The following RAPGEF4 variants were observed in gnomAD, a reference collection of about 807,000 sequenced individuals.
RAPGEF4 encodes the protein Rap guanine nucleotide exchange factor 4.
A neutral mutation model predicts 147.9 loss-of-function variants in RAPGEF4; 66 were observed. The observed-to-expected ratio is 0.45, with a 90% CI of 0.37 to 0.55. The LOEUF (loss-of-function observed/expected upper bound fraction) is 0.55, where lower values mean the gene tolerates loss of function less well. Among genes scored for constraint, RAPGEF4 ranks in the 20% least tolerant of loss-of-function variants. The pLI, the probability that RAPGEF4 is intolerant of heterozygous loss-of-function variation, is 0.00. For synonymous variants in RAPGEF4, 419 were observed against 442.7 expected, an observed-to-expected ratio of 0.95 and a Z score of 0.67; for missense variants, 1,071 against 1,257.3, an observed-to-expected ratio of 0.85 and a Z score of 2.24.
rs1689128138 is a variant in RAPGEF4 at position 172,822,056 on chromosome 2, T to A, written c.444+7631T>A. On this transcript the variant is annotated intron_variant, in intron 4 of 30. Coordinates refer to ENST00000397081, the MANE Select transcript of RAPGEF4 (RefSeq NM_007023.4). ...ACATGTTACTGTTTGCATTTTGGAA[T>A]TATGCTCAAAAACATCTCTGGCTTT... 1.5e-5 allele frequency: 23 copies of A among 1,543,220 alleles called. No homozygotes were observed. In the South Asian group the frequency reaches 2.6e-4, roughly 18 times the overall value.
At chr2:172,740,927 C>T (rs370792397) in intron 1 of RAPGEF4, among the ~76,000 whole-genome samples, 5 of 152,224 alleles carry the variant, frequency 3.3e-5, no homozygotes, top group African/African-American at 9.7e-5. Flanking sequence ...TGGACACTCA[C>T]GTCCTTTGGC....
chr2:172,768,805 A>G (rs1417848176), intron 1 of RAPGEF4, among the ~76,000 whole-genome samples: 1 of 152,260 alleles, frequency 6.6e-6, no homozygotes, highest in East Asian at 1.9e-4. Context: ...AGACTGCTGC[A>G]TATTGTTGTG....
At position 172,931,176 on chromosome 2, in the gene RAPGEF4, G is replaced by GGGA. The variant is rs1553533425; in HGVS notation, c.537+8878_537+8879insAGG. Among the ~76,000 whole-genome samples, 2 of 109,056 alleles carry GGGA rather than the reference G, an allele frequency of 1.8e-5. 1 individual carries two copies. The highest frequency in any genetic ancestry group is 6.4e-5 in the African/African-American group (2 of 31,330). The allele number at this position is 109,056 out of a possible 152,430, so 71.5% of individuals were successfully genotyped here. A position where few individuals can be genotyped will look rare whatever the true frequency, so the allele number is the denominator to read the frequency against. Reference sequence around the variant, plus strand: ...TAAGATCAAGCCAGGCCGGGGTGGGGGGGGGGGGCGCTGGGGGGCGGGGGG... The same window carrying GGGA: ...TAAGATCAAGCCAGGCCGGGGTGGGGGGAGGGGGGGGCGCTGGGGGGCGGGGGG... On this transcript the variant is annotated intron_variant, in intron 6 of 30. Coordinates refer to ENST00000397081, the MANE Select transcript of RAPGEF4 (RefSeq NM_007023.4).
In RAPGEF4 at chr2:173,042,143, C is replaced by A. The variant is rs1354904577; in HGVS notation, c.2853+5451C>A. Among the ~76,000 whole-genome samples, 1 of 152,222 alleles carries A rather than the reference C, an allele frequency of 6.6e-6. No homozygotes were observed. Among genetic ancestry groups the A allele is most frequent in the Admixed American group, 6.5e-5 (1 of 15,284 alleles). On this transcript the variant is annotated intron_variant, in intron 29 of 30. Transcript: ENST00000397081. This position sits in a 1 kb window ranked among gnomAD's most constrained non-coding sequence, Gnocchi z 4.2. ...CTGGCCCAGGTATCTGTTTTGTTCA[C>A]TGATATTTCTCCAGCACCATAAAAA...
chr2:172,860,420 C>T (rs1693896098), intron 4 of RAPGEF4: 2 of 645,334 alleles, frequency 3.1e-6, no homozygotes, highest in Non-Finnish European at 3.8e-6. Flanking sequence ...AAGTAGACTT[C>T]ATTTTGTGTA....
At chr2:173,008,688 G>C (rs946809942) in intron 17 of RAPGEF4, among the ~76,000 whole-genome samples, 4 of 152,128 alleles carry the variant, frequency 2.6e-5, no homozygotes, top group African/African-American at 9.7e-5. Flanking sequence ...TGAATCTGCT[G>C]CCTCTACATC....
At chr2:172,739,173 C>T (rs969326816) in intron 1 of RAPGEF4, among the ~76,000 whole-genome samples, 35 of 152,074 alleles carry the variant, frequency 2.3e-4, no homozygotes, top group African/African-American at 7.7e-4. Context: ...ATGGATAAAC[C>T]AACATTGAAA....
chr2:172,906,527 G>C (rs781398582), intron 4 of RAPGEF4, among the ~76,000 whole-genome samples: 2 of 152,170 alleles, frequency 1.3e-5, no homozygotes, highest in Non-Finnish European at 2.9e-5. Context: ...TGATGCTTTC[G>C]CTACAGCCTG....
chr2:173,040,551 A>C (rs534370591), intron 29 of RAPGEF4, among the ~76,000 whole-genome samples: 2 of 152,316 alleles, frequency 1.3e-5, no homozygotes, highest in African/African-American at 4.8e-5. Context: ...CAGGGTAGCC[A>C]GGAATACAGA....
chr2:172,810,249 G>A (rs568158779), intron 3 of RAPGEF4, among the ~76,000 whole-genome samples: 2 of 152,314 alleles, frequency 1.3e-5, no homozygotes, highest in East Asian at 3.9e-4. Flanking sequence ...CTATAAAATA[G>A]CAATAGTACT....
chr2:172,918,124 C>T (rs553524668), intron 5 of RAPGEF4: 16 of 641,916 alleles, frequency 2.5e-5, no homozygotes, highest in Non-Finnish European at 1.1e-5. Flanking sequence ...GCATAGAATA[C>T]TTTCCCAAAA....
intron 1 of RAPGEF4, among the ~76,000 whole-genome samples, chr2:172,775,009 G>T (rs749291387): frequency 2.6e-5 from 4 of 152,176 alleles, no homozygotes; most frequent in Admixed American, 2.0e-4. Flanking sequence ...GTGGGCATTC[G>T]ATTCCTGTTG....
intron 4 of RAPGEF4, among the ~76,000 whole-genome samples, chr2:172,823,847 A>G (rs1017065115): frequency 6.6e-6 from 1 of 152,200 alleles, no homozygotes; most frequent in Admixed American, 6.5e-5. Context: ...CTGGCCTGAG[A>G]TTCTGGTCTA....
At chr2:172,929,564 T>A (rs1197454348) in intron 6 of RAPGEF4, among the ~76,000 whole-genome samples, 1 of 152,256 alleles carries the variant, frequency 6.6e-6, no homozygotes, top group Non-Finnish European at 1.5e-5. Context: ...TTTTTATAAA[T>A]GTCTAAATCC....
chr2:173,004,718 G>A (rs1437760459), intron 17 of RAPGEF4, among the ~76,000 whole-genome samples: 1 of 151,922 alleles, frequency 6.6e-6, no homozygotes, highest in East Asian at 1.9e-4. Context: ...GGAGAAGAGA[G>A]CAAAGTTCAC....
intron 15 of RAPGEF4, among the ~76,000 whole-genome samples, chr2:172,992,682 T>A (rs996910727): frequency 7.9e-5 from 12 of 152,268 alleles, no homozygotes; most frequent in Non-Finnish European, 2.9e-5. Context: ...GTATGTTTTA[T>A]TATTTTAGGC....
intron 6 of RAPGEF4, 122 bp from the exon 7 acceptor site, chr2:172,960,637 AT>A (rs1689188953): frequency 7.1e-6 from 5 of 700,312 alleles, no homozygotes; most frequent in South Asian, 5.4e-5. Flanking sequence ...TTTATCTCTT[AT>A]TTTTTTAAAT....
chr2:173,017,922 A>C (rs1180134301), intron 21 of RAPGEF4, among the ~76,000 whole-genome samples: 2 of 152,232 alleles, frequency 1.3e-5, no homozygotes, highest in Non-Finnish European at 2.9e-5. Flanking sequence ...GCTTTACATC[A>C]GGAAGATCAA....
chr2:172,843,813 G>A lies in RAPGEF4; in HGVS notation c.444+29388G>A, dbSNP rs560393450. Reference sequence around the variant, plus strand: ...GAAAATTAAGTAGTTTACCCAAGGCGTACGCTAGGATCTGTTATCTGTAAA... The same window carrying A: ...GAAAATTAAGTAGTTTACCCAAGGCATACGCTAGGATCTGTTATCTGTAAA... On this transcript the variant is annotated intron_variant, in intron 4 of 30. Coordinates refer to ENST00000397081, the MANE Select transcript of RAPGEF4 (RefSeq NM_007023.4). Among the ~76,000 whole-genome samples the A allele has an allele frequency of 2.0e-4, 31 of 152,284 alleles. No homozygotes were observed. In the South Asian group the frequency reaches 3.1e-3, roughly 15 times the overall value.
Sources: allele counts gnomAD v4.1 joint callset (sites outside exome capture counted in the v4.1 genomes callset), GRCh38; gene constraint gnomAD v4.1.1; non-coding constraint Gnocchi (gnomAD v3.1); transcripts MANE v1.5; gene names NCBI Gene and HGNC (gene_info 2026-07-23, HGNC 2026-07-21).